The following SNX32 variants were observed in gnomAD, a reference collection of about 807,000 sequenced individuals.
SNX32 encodes the protein sorting nexin 32.
A neutral mutation model predicts 57.0 loss-of-function variants in SNX32; 58 were observed. The observed-to-expected ratio is 1.02, with a 90% CI of 0.82 to 1.27. The LOEUF is 1.27. Among genes scored for constraint, SNX32 ranks in the 50% most tolerant of loss-of-function variants. The pLI is 0.00. For missense variants in SNX32, 589 were observed against 541.2 expected (o/e 1.09, Z -0.88); for synonymous variants, 262 against 220.4 (o/e 1.19, Z -1.67).
chr11:65,850,605 G>T (rs756248471), intron 5 of SNX32, 51 bp downstream of exon 5: 59 of 1,566,926 alleles, frequency 3.8e-5, no homozygotes, highest in Non-Finnish European at 2.7e-5. Flanking sequence ...AGTCTACCTT[G>T]GGTGGGGAGG....
At chr11:65,836,259 C>A (rs1228761903) in intron 1 of SNX32, among the ~76,000 whole-genome samples, 1 of 152,076 alleles carries the variant, frequency 6.6e-6, no homozygotes, top group Non-Finnish European at 1.5e-5. Flanking sequence ...ATATAAAATA[C>A]TGGCCAGGCG....
intron 10 of SNX32, 38 bp downstream of exon 10, chr11:65,852,589 G>A (rs1859237678): frequency 6.2e-7 from 1 of 1,613,910 alleles, no homozygotes. Context: ...AGGCCCGGAT[G>A]CCAGGACAGG....
At chr11:65,853,230 G>A in intron 12 of SNX32, 52 bp from the exon 13 acceptor site, 1 of 1,613,054 alleles carries the variant, frequency 6.2e-7, no homozygotes, top group Non-Finnish European at 8.5e-7. Flanking sequence ...AGAAAGAATG[G>A]CAGCCTGACT....
chr11:65,835,847 C>A (rs1171043077), intron 1 of SNX32, among the ~76,000 whole-genome samples: 1 of 151,930 alleles, frequency 6.6e-6, no homozygotes, highest in Non-Finnish European at 1.5e-5. Context: ...TTTAGAGGGG[C>A]AAGAGGGGCT....
chr11:65,853,583 A>T lies in SNX32; in HGVS notation c.*248A>T. 1 of 576,246 alleles carries T rather than the reference A, an allele frequency of 1.7e-6. No homozygotes were observed. The highest frequency in any genetic ancestry group is 3.1e-6 in the Non-Finnish European group (1 of 322,342). The allele number at this position is 576,246 out of a possible 1,614,324, so 35.7% of individuals were successfully genotyped here. On this transcript the variant is annotated 3_prime_UTR_variant, in exon 13 of 13. Transcript: ENST00000308342. ...TCAGCAGAGCCCCAGGGACCCTGACACCTCTCCCCAGGAAGCTGAGGAACA... is the reference window on the plus strand; with the variant it reads ...TCAGCAGAGCCCCAGGGACCCTGACTCCTCTCCCCAGGAAGCTGAGGAACA...
chr11:65,850,619 C>T, intron 5 of SNX32, 65 bp downstream of exon 5: 1 of 1,560,840 alleles, frequency 6.4e-7, no homozygotes, highest in Non-Finnish European at 8.7e-7. Flanking sequence ...GGGGAGGCAC[C>T]CAGGGGTGGC....
rs1238620255 is a variant in SNX32 at position 65,839,386 on chromosome 11, C to T, written c.36+5285C>T. Among the ~76,000 whole-genome samples, 16 of 147,232 alleles carry T rather than the reference C, an allele frequency of 1.1e-4. 1 individual carries two copies. Among genetic ancestry groups the T allele is most frequent in the Admixed American group, 4.1e-4 (6 of 14,708 alleles). ...CTGGGACTACAGGCGCCCGCCACTA[C>T]GCCCGGCTAATTTTTTGTATTTTTA... On this transcript the variant is annotated intron_variant, in intron 1 of 12. Transcript: ENST00000308342.
At chr11:65,848,801 G>A (rs923244766) in intron 1 of SNX32, among the ~76,000 whole-genome samples, 4 of 152,138 alleles carry the variant, frequency 2.6e-5, no homozygotes, top group African/African-American at 9.7e-5. Context: ...AGCCAGCTGG[G>A]GAAGGGGTGG....
At position 65,850,427 on chromosome 11, in the gene SNX32, G is replaced by A. The variant is rs768586335; in HGVS notation, c.375-4G>A. On this transcript the variant is annotated splice_region_variant and splice_polypyrimidine_tract_variant and intron_variant, in intron 4 of 12. Coordinates refer to ENST00000308342, the MANE Select transcript of SNX32 (RefSeq NM_152760.3). The stretch of plus-strand genomic sequence containing the variant: ...GGGCCGGTGAGCTGCTGCCACTCTC[G>A]CAGGGAGTACCTGGCCATCTTTAAG... The A allele has an allele frequency of 1.8e-5, 29 of 1,614,004 alleles. No individual in the cohort carries two copies. The highest frequency in any genetic ancestry group is 2.4e-5 in the Non-Finnish European group (28 of 1,179,988).
intron 9 of SNX32, 142 bp downstream of exon 9, chr11:65,851,821 C>A (rs573417254): frequency 2.2e-6 from 2 of 889,818 alleles, no homozygotes; most frequent in Non-Finnish European, 3.6e-6. Flanking sequence ...ACACTCCAGA[C>A]TAGTTTAACA....
At chr11:65,846,491 G>C (rs1858999187) in intron 1 of SNX32, among the ~76,000 whole-genome samples, 1 of 151,142 alleles carries the variant, frequency 6.6e-6, no homozygotes, top group Non-Finnish European at 1.5e-5. Context: ...GCTTGAACCT[G>C]GTAGGCAGAG....
At chr11:65,851,783 A>C in intron 9 of SNX32, 104 bp downstream of exon 9, 1 of 1,345,836 alleles carries the variant, frequency 7.4e-7, no homozygotes, top group Non-Finnish European at 1.1e-6. Context: ...GTTCAGTGAT[A>C]ACTTGGGCCC....
rs1859159432 is a variant in SNX32 at position 65,850,787 on chromosome 11, GGAGGGTTTCTGAGGAATATTGT to G, written c.538_559del (p.Gly180SerfsTer63). On this transcript the variant is annotated frameshift_variant, in exon 6 of 13. Coordinates refer to ENST00000308342, the MANE Select transcript of SNX32 (RefSeq NM_152760.3). LOFTEE classifies it high-confidence loss of function. ...GGGGAAGAACAGGAAGGAGCTCCTC[GGAGGGTTTCTGAGGAATATTGT>G]GAAGTCCGCGGATGAAGCCCTCATC... is the stretch of plus-strand genomic sequence containing the variant. 6.2e-7 allele frequency: 1 copy of G among 1,613,990 alleles called. No homozygotes were observed. Among genetic ancestry groups the G allele is most frequent in the Admixed American group, 1.7e-5 (1 of 60,008 alleles).
chr11:65,850,470 C>T lies in SNX32; in HGVS notation c.414C>T (p.His138=), dbSNP rs781277946. 8 of 1,614,172 alleles carry T rather than the reference C, an allele frequency of 5.0e-6. No individual in the cohort carries two copies. The highest frequency in any genetic ancestry group is 5.9e-6 in the Non-Finnish European group (7 of 1,180,010). Residue 138 remains histidine, a synonymous_variant, in exon 5 of 13, where the codon CAC becomes CAT. Transcript: ENST00000308342. The stretch of plus-strand genomic sequence containing the variant: ...TCTTTAAGAAGACAGTTGCGATGCA[C>T]GAAGTCTTTCTGCAGCGCCTGGCGG... The part of the protein sequence containing the change: ...LAIFKKTVAM[H]EVFLQRLAAH...
At position 65,852,647 on chromosome 11, in the gene SNX32, G is replaced by A; in HGVS notation, c.930G>A (p.Arg310=). The change falls in exon 11 of 13, where the codon CGG becomes CGA. Residue 310 remains arginine, a synonymous_variant. Coordinates refer to ENST00000308342, the MANE Select transcript of SNX32 (RefSeq NM_152760.3). Reference sequence around the variant, plus strand: ...GGTCCTAGGACCTGCTGTACCGGCGGCTGCGGGCACTGGCCGACTACGAGA... The same window carrying A: ...GGTCCTAGGACCTGCTGTACCGGCGACTGCGGGCACTGGCCGACTACGAGA... ...SQAAKDLLYR[R]LRALADYENA... 1.9e-6 allele frequency: 3 copies of A among 1,606,316 alleles called. 1 individual carries two copies. Among genetic ancestry groups the A allele is most frequent in the East Asian group, 2.2e-5 (1 of 44,650 alleles).
At chr11:65,836,220 A>C (rs1858664899) in intron 1 of SNX32, among the ~76,000 whole-genome samples, 1 of 152,164 alleles carries the variant, frequency 6.6e-6, no homozygotes, top group African/African-American at 2.4e-5. Context: ...ATATATAAGC[A>C]AAAATATAAT....
chr11:65,846,276 AAAG>A (rs1224305130), intron 1 of SNX32, among the ~76,000 whole-genome samples: 26 of 151,314 alleles, frequency 1.7e-4, no homozygotes, highest in African/African-American at 2.4e-5. Context: ...GTCTCAAAAA[AAAG>A]AATAGGCCAG....
At chr11:65,843,112 T>G (rs1191042055) in intron 1 of SNX32, among the ~76,000 whole-genome samples, 2 of 148,846 alleles carry the variant, frequency 1.3e-5, no homozygotes, top group African/African-American at 2.5e-5. Context: ...TCCCAGCTAC[T>G]AGGGAGGCTG....
At chr11:65,845,705 C>T (rs1047792233) in intron 1 of SNX32, among the ~76,000 whole-genome samples, 1 of 152,102 alleles carries the variant, frequency 6.6e-6, no homozygotes, top group African/African-American at 2.4e-5. Flanking sequence ...CCATTACACT[C>T]CAGCTTGGTC....
Sources: gnomAD v4.1 joint callset for allele counts (sites outside exome capture counted in the v4.1 genomes callset) on GRCh38, gnomAD v4.1.1 for gene constraint, MANE v1.5 for transcripts, NCBI Gene and HGNC (gene_info 2026-07-23, HGNC 2026-07-21) for gene names.